The following SNRPA variants were observed in gnomAD, a reference collection of about 807,000 sequenced individuals.
SNRPA encodes the protein small nuclear ribonucleoprotein polypeptide A.
A neutral mutation model predicts 24.5 loss-of-function variants in SNRPA; 10 were observed. The ratio of observed to expected loss-of-function variants is 0.41; its 90% CI spans 0.25 to 0.69. The LOEUF (loss-of-function observed/expected upper bound fraction) is 0.69, where lower values mean the gene tolerates loss of function less well. Among genes scored for constraint, SNRPA ranks in the 30% least tolerant of loss-of-function variants. SNRPA has a pLI of 0.33. For synonymous variants in SNRPA, 165 were observed against 148.4 expected (o/e 1.11, Z -0.81); for missense variants, 283 against 394.7 (o/e 0.72, Z 2.40).
intron 3 of SNRPA, among the ~76,000 whole-genome samples, chr19:40,762,261 G>C (rs887645922): frequency 6.6e-6 from 1 of 151,868 alleles, no homozygotes; most frequent in African/African-American, 2.4e-5. Flanking sequence ...CTGTTGCCCA[G>C]GCTGGAGTGC....
chr19:40,754,683 G>T (rs1479542747), intron 1 of SNRPA, among the ~76,000 whole-genome samples: 2 of 152,204 alleles, frequency 1.3e-5, no homozygotes, highest in East Asian at 3.8e-4. Flanking sequence ...TTTGAGGCTT[G>T]TAAATCATGG....
intron 1 of SNRPA, among the ~76,000 whole-genome samples, chr19:40,756,269 T>TA (rs113404478): frequency 0.037 from 5,276 of 142,062 alleles, 136 homozygotes; most frequent in African/African-American, 0.068. Flanking sequence ...ATTCTGTCTT[T>TA]AAAAAAAAAA....
chr19:40,763,178 GC>G, intron 4 of SNRPA, 104 bp downstream of exon 4: 1 of 815,166 alleles, frequency 1.2e-6, no homozygotes, highest in Admixed American at 2.9e-5. Context: ...GTCTGGGCAG[GC>G]CCCCTGAGGA....
Position 40,765,256 on chromosome 19 carries a change from TGGG to T in SNRPA, c.*92_*94del. ...AGCCCCCTGAAGGTAAGTCCCCCCT[TGGG>T]GGCCTTCTTGGAGCCGTGTGTGAGT... On this transcript the variant is annotated 3_prime_UTR_variant, in exon 6 of 6. Transcript: ENST00000243563. The T allele has an allele frequency of 1.1e-6, 1 of 886,154 alleles. No homozygotes were observed. The highest frequency in any genetic ancestry group is 1.6e-6 in the Non-Finnish European group (1 of 624,896). 54.9% of individuals were successfully genotyped at this position (886,154 alleles called of 1,614,324 possible).
chr19:40,757,278 G>T, intron 1 of SNRPA, 54 bp from the exon 2 acceptor site: 2 of 1,569,230 alleles, frequency 1.3e-6, no homozygotes, highest in Non-Finnish European at 1.7e-6. Flanking sequence ...TTCTATTTGG[G>T]CTGCGCTTCT....
intron 5 of SNRPA, among the ~76,000 whole-genome samples, chr19:40,764,201 A>G (rs890158675): frequency 6.6e-6 from 1 of 152,058 alleles, no homozygotes; most frequent in Non-Finnish European, 1.5e-5. Context: ...GTTCTGTTTC[A>G]GGGGCTGTGA....
chr19:40,764,151 T>G (rs557640075), intron 5 of SNRPA, among the ~76,000 whole-genome samples: 1 of 152,206 alleles, frequency 6.6e-6, no homozygotes, highest in Admixed American at 6.5e-5. Flanking sequence ...TGTTCACCAT[T>G]GTTGAGTGAA....
Position 40,757,473 on chromosome 19 carries a change from TGCAGG to T in SNRPA, c.217_221del (p.Gln73PhefsTer5). ...AGCGCCACCAACGCCCTGCGCTCCATGCAGGGTTTCCCTTTCTATGACAAACCTAT... is the reference window on the plus strand; with the variant it reads ...AGCGCCACCAACGCCCTGCGCTCCATGTTTCCCTTTCTATGACAAACCTAT... On this transcript the variant is annotated frameshift_variant, in exon 2 of 6. Coordinates refer to ENST00000243563, the MANE Select transcript of SNRPA (RefSeq NM_004596.5). LOFTEE classifies it high-confidence loss of function. 6.2e-7 allele frequency: 1 copy of T among 1,613,256 alleles called. No individual in the cohort carries two copies. Among genetic ancestry groups the T allele is most frequent in the Non-Finnish European group, 8.5e-7 (1 of 1,179,658 alleles).
chr19:40,756,473 G>A (rs749655099), intron 1 of SNRPA, among the ~76,000 whole-genome samples: 18 of 151,914 alleles, frequency 1.2e-4, no homozygotes, highest in Non-Finnish European at 2.4e-4. Flanking sequence ...GCATACACCT[G>A]TGGTCCCAGC....
chr19:40,763,183 C>T (rs1375691961), intron 4 of SNRPA, 109 bp downstream of exon 4: 2 of 777,332 alleles, frequency 2.6e-6, no homozygotes, highest in Non-Finnish European at 4.1e-6. Flanking sequence ...GGCAGGCCCC[C>T]TGAGGAGGTG....
At chr19:40,757,303 C>G (rs2082912511) in intron 1 of SNRPA, 29 bp from the exon 2 acceptor site, 1 of 1,612,214 alleles carries the variant, frequency 6.2e-7, no homozygotes. Flanking sequence ...AAAAGGGGAG[C>G]TCAAAGGTCT....
intron 3 of SNRPA, among the ~76,000 whole-genome samples, chr19:40,761,619 A>G (rs905371772): frequency 6.6e-6 from 1 of 151,296 alleles, no homozygotes; most frequent in African/African-American, 2.4e-5. Flanking sequence ...GGCATGTGCC[A>G]CCACACCCAG....
In SNRPA at chr19:40,765,113, G is replaced by A; in HGVS notation, c.795G>A (p.Gln265=). 6.3e-7 allele frequency: 1 copy of A among 1,583,696 alleles called. No homozygotes were observed. Among genetic ancestry groups the A allele is most frequent in the Middle Eastern group, 1.7e-4 (1 of 5,992 alleles). The change falls in exon 6 of 6, where the codon CAG becomes CAA. Residue 265 remains glutamine, a synonymous_variant. Transcript: ENST00000243563. ...VQAGAARDAL[Q]GFKITQNNAM... ...CAGGGGCAGCTCGCGATGCCCTGCA[G>A]GGCTTTAAGATCACGCAGAACAACG... is the stretch of plus-strand genomic sequence containing the variant.
chr19:40,755,243 AT>A (rs1383083986), intron 1 of SNRPA, among the ~76,000 whole-genome samples: 3 of 109,992 alleles, frequency 2.7e-5, no homozygotes, highest in South Asian at 2.7e-4. Flanking sequence ...CGCCTAGCTA[AT>A]TTTTTTTCTT....
Position 40,765,319 on chromosome 19 carries a change from G to T in SNRPA, c.*152G>T. 1 of 427,208 alleles carries T rather than the reference G, an allele frequency of 2.3e-6. No homozygotes were observed. Among genetic ancestry groups the T allele is most frequent in the Non-Finnish European group, 4.1e-6 (1 of 244,766 alleles). 26.5% of individuals were successfully genotyped at this position (427,208 alleles called of 1,614,324 possible). On this transcript the variant is annotated 3_prime_UTR_variant, in exon 6 of 6. Coordinates refer to ENST00000243563, the MANE Select transcript of SNRPA (RefSeq NM_004596.5). ...CCACACAGCATTGTACCCAGAGTCT[G>T]TCCCCAGACATTGCACCTGGCGCTG...
Position 40,759,451 on chromosome 19 carries a change from C to G in SNRPA, c.267C>G (p.Thr89=). ...DKPMRIQYAK[T]DSDIIAKMKG... is the part of the protein sequence containing the mutation. ...GGTAGCGTATCCAGTATGCCAAGAC[C>G]GACTCAGATATCATTGCCAAGATGA... The change falls in exon 3 of 6, where the codon ACC becomes ACG. Residue 89 remains threonine (T), a synonymous_variant. Coordinates refer to ENST00000243563, the MANE Select transcript of SNRPA (RefSeq NM_004596.5). The G allele has an allele frequency of 6.2e-7, 1 of 1,613,212 alleles. No individual in the cohort carries two copies. Among genetic ancestry groups the G allele is most frequent in the Non-Finnish European group, 8.5e-7 (1 of 1,179,762 alleles).
chr19:40,764,577 A>G (rs2082946501), intron 5 of SNRPA, among the ~76,000 whole-genome samples: 1 of 152,164 alleles, frequency 6.6e-6, no homozygotes, highest in African/African-American at 2.4e-5. Context: ...CTAAAATCCC[A>G]GTATGTTGGG....
intron 3 of SNRPA, among the ~76,000 whole-genome samples, chr19:40,759,915 G>T (rs985665189): frequency 9.2e-5 from 14 of 152,150 alleles, no homozygotes; most frequent in Non-Finnish European, 1.3e-4. Context: ...AACTCATTGT[G>T]CATGTAGAAA....
rs376905668 is a variant in SNRPA at position 40,763,140 on chromosome 19, C to T, written c.600+66C>T. The T allele has an allele frequency of 7.1e-5, 91 of 1,288,230 alleles. No individual in the cohort carries two copies. In the South Asian group the frequency reaches 1.1e-3, roughly 15 times the overall value. The allele number at this position is 1,288,230 out of a possible 1,614,324, so 79.8% of individuals were successfully genotyped here. On this transcript the variant is annotated intron_variant, in intron 4 of 5. Transcript: ENST00000243563. ...TGAGAATACAGGACTAGAAAGGGAC[C>T]AGTTGGGGGGCTGCTGTAGGTTGGG...
Sources: gnomAD v4.1 joint callset for allele counts (sites outside exome capture counted in the v4.1 genomes callset) on GRCh38, gnomAD v4.1.1 for gene constraint, MANE v1.5 for transcripts, NCBI Gene and HGNC (gene_info 2026-07-23, HGNC 2026-07-21) for gene names.